The following PVT1 variants were observed in gnomAD, a reference collection of about 807,000 sequenced individuals.
PVT1 encodes the protein CXCR4/PVT1 fusion.
At chr8:127,845,174 G>T (rs1436157066) in intron 2 of PVT1, among the ~76,000 whole-genome samples, 1 of 151,898 alleles carries the variant, frequency 6.6e-6, no homozygotes, top group Non-Finnish European at 1.5e-5. Context: ...GAGAAATAAG[G>T]TGTGTGTTGT....
rs1241748724 is a variant in PVT1, at chr8:127,913,905, A to T, written n.782+22907A>T. On this transcript the variant is annotated intron_variant and non_coding_transcript_variant, in intron 3 of 10. Transcript: ENST00000651587. ...CTCTAAGTGAAGGGTTTGGGGCCAC[A>T]CACATGGCTGTCTGTTCTCTCCAGG... 2.0e-5 allele frequency among the ~76,000 whole-genome samples: 3 copies of T among 152,100 alleles called. No homozygotes were observed. In the East Asian group the frequency reaches 5.8e-4, roughly 29 times the overall value.
intron 3 of PVT1, among the ~76,000 whole-genome samples, chr8:127,908,449 C>A (rs1376715808): frequency 6.6e-6 from 1 of 151,302 alleles, no homozygotes; most frequent in East Asian, 1.9e-4. Context: ...TCAAGCGATT[C>A]TCCTGCCTCA....
At chr8:128,084,725 T>C (rs941750085) in intron 5 of PVT1, among the ~76,000 whole-genome samples, 4 of 152,220 alleles carry the variant, frequency 2.6e-5, no homozygotes, top group African/African-American at 9.6e-5. Context: ...GCCTGCTCAA[T>C]TGGCCCTGAA....
intron 4 of PVT1, among the ~76,000 whole-genome samples, chr8:128,023,303 A>G (rs1817459032): frequency 1.3e-5 from 2 of 152,156 alleles, no homozygotes; most frequent in African/African-American, 4.8e-5. Context: ...AGGTGCTCTA[A>G]TGGTCCCAGT....
intron 3 of PVT1, among the ~76,000 whole-genome samples, chr8:127,934,397 C>G (rs569126169): frequency 6.6e-6 from 1 of 152,212 alleles, no homozygotes; most frequent in Non-Finnish European, 1.5e-5. Context: ...AGGCATTGGG[C>G]CCCTTGAAGC....
chr8:127,813,152 AT>A (rs933644020), intron 2 of PVT1, among the ~76,000 whole-genome samples: 88 of 147,126 alleles, frequency 6.0e-4, no homozygotes, highest in Non-Finnish European at 8.7e-4. Context: ...CTCAAAAAAA[AT>A]ATATGTATAT....
At position 127,912,133 on chromosome 8, in the gene PVT1, A is replaced by G. The variant is rs182019239; in HGVS notation, n.782+21135A>G. Among the ~76,000 whole-genome samples, 6 of 152,324 alleles carry G rather than the reference A, an allele frequency of 3.9e-5. No individual in the cohort carries two copies. In the East Asian group the frequency reaches 1.2e-3, roughly 29 times the overall value. ...ATCCCACATGTGATAAAGTTCTGTG[A>G]TCCTGCAGTTTGAACATCCTGGCAT... On this transcript the variant is annotated intron_variant and non_coding_transcript_variant, in intron 3 of 10. Coordinates refer to ENST00000651587, the Ensembl canonical transcript of PVT1.
At chr8:127,853,852 C>T (rs1339786761) in intron 2 of PVT1, among the ~76,000 whole-genome samples, 2 of 152,182 alleles carry the variant, frequency 1.3e-5, no homozygotes, top group Non-Finnish European at 1.5e-5. Context: ...AGGCGGGGCA[C>T]GATGCTTTTT....
chr8:128,014,808 A>G (rs748242676), intron 4 of PVT1, among the ~76,000 whole-genome samples: 1 of 152,216 alleles, frequency 6.6e-6, no homozygotes, highest in Non-Finnish European at 1.5e-5. Context: ...GACAAATGCA[A>G]CTGGCTTATT....
chr8:127,802,075 C>T (rs1304746004), intron 2 of PVT1, among the ~76,000 whole-genome samples: 3 of 152,020 alleles, frequency 2.0e-5, no homozygotes, highest in African/African-American at 4.8e-5. Flanking sequence ...ACCACCACAC[C>T]TGGCTAATTT....
In PVT1 at chr8:127,924,497, C is replaced by T. The variant is rs190065147; in HGVS notation, n.782+33499C>T. On this transcript the variant is annotated intron_variant and non_coding_transcript_variant, in intron 3 of 10. Transcript: ENST00000651587. ...TACAGGCACACACCACCATGTCTGG[C>T]TAACTTTTGTATTTTTTTTTTTTTT... 2.9e-3 allele frequency among the ~76,000 whole-genome samples: 402 copies of T among 140,090 alleles called. 1 individual carries two copies. The highest frequency in any genetic ancestry group is 1.0e-2 in the African/African-American group (380 of 38,138). 91.9% of individuals were successfully genotyped at this position (140,090 alleles called of 152,430 possible).
intron 2 of PVT1, among the ~76,000 whole-genome samples, chr8:127,864,948 A>G (rs1463083944): frequency 6.6e-6 from 1 of 152,218 alleles, no homozygotes; most frequent in African/African-American, 2.4e-5. Flanking sequence ...GACAGAGGCC[A>G]TCTTGTCCTA....
chr8:128,089,297 G>A (rs543178547), intron 5 of PVT1, among the ~76,000 whole-genome samples: 13 of 152,228 alleles, frequency 8.5e-5, no homozygotes, highest in South Asian at 6.2e-4. Context: ...CCAGTTCCTC[G>A]TTCATAAATG....
intron 2 of PVT1, among the ~76,000 whole-genome samples, chr8:127,809,029 C>CAAAAAAAAAAAAAAGAAAAAAAAAAAA (rs1814559591): frequency 3.5e-5 from 1 of 28,284 alleles, no homozygotes. Context: ...GATTCCATCT[C>CAAAAAAAAAAAAAAGAAAAAAAAAAAA]AAAAAAAAAA....
chr8:127,909,963 T>TG (rs1325695987), intron 3 of PVT1, among the ~76,000 whole-genome samples: 1 of 152,092 alleles, frequency 6.6e-6, no homozygotes, highest in African/African-American at 2.4e-5. Flanking sequence ...CAGTCATCAC[T>TG]GTGGCTGAGA....
At chr8:127,967,674 C>G (rs1037478380) in intron 3 of PVT1, among the ~76,000 whole-genome samples, 1 of 152,228 alleles carries the variant, frequency 6.6e-6, no homozygotes, top group Non-Finnish European at 1.5e-5. Flanking sequence ...TAAAGGACAG[C>G]TTGCCTGGGC....
At chr8:127,826,294 T>C (rs570058464) in intron 2 of PVT1, among the ~76,000 whole-genome samples, 53 of 152,198 alleles carry the variant, frequency 3.5e-4, no homozygotes, top group African/African-American at 1.1e-3. Flanking sequence ...ATTGGGAAGG[T>C]TGAACAAAGT....
chr8:127,884,413 A>G (rs1815502531), intron 2 of PVT1, among the ~76,000 whole-genome samples: 1 of 152,206 alleles, frequency 6.6e-6, no homozygotes, highest in South Asian at 2.1e-4. Flanking sequence ...GCTGTTATGA[A>G]TAGAGCTGCT....
chr8:127,931,702 G>A (rs936062402), intron 3 of PVT1, among the ~76,000 whole-genome samples: 13 of 152,242 alleles, frequency 8.5e-5, no homozygotes, highest in African/African-American at 2.9e-4. Context: ...CCAACGGATG[G>A]GAGCCTGCAG....
Sources: allele counts gnomAD v4.1 joint callset (sites outside exome capture counted in the v4.1 genomes callset), GRCh38; gene constraint gnomAD v4.1.1; transcripts MANE v1.5; gene names NCBI Gene and HGNC (gene_info 2026-07-23, HGNC 2026-07-21).